MAPK8IP1: variants seen among roughly 807,000 people sequenced by gnomAD.
MAPK8IP1 encodes the protein C-Jun-amino-terminal kinase-interacting protein 1.
A neutral mutation model predicts 72.6 loss-of-function variants in MAPK8IP1; 17 were observed. The ratio of observed to expected loss-of-function variants is 0.23; its 90% CI spans 0.16 to 0.35. The LOEUF (loss-of-function observed/expected upper bound fraction) is 0.35. MAPK8IP1 is among the 10% of genes least tolerant of loss of function. MAPK8IP1 has a pLI of 1.00. For synonymous variants in MAPK8IP1, 401 were observed against 443.4 expected (o/e 0.90, Z 1.20); for missense variants, 789 against 1,009.7 (o/e 0.78, Z 2.96).
rs149199647 is a variant in MAPK8IP1, at chr11:45,903,842, C to T, written c.1494-147C>T. ...GCATGTCTGCTTGACCTTGCTCTCCCCTGGGGTTAGTACTGCAACAGGCAC... is the reference window on the plus strand; with the variant it reads ...GCATGTCTGCTTGACCTTGCTCTCCTCTGGGGTTAGTACTGCAACAGGCAC... On this transcript the variant is annotated intron_variant, in intron 6 of 11. Transcript: ENST00000241014. The surrounding 1 kb of genome is among the most constrained non-coding windows in gnomAD (Gnocchi z 6.4). The T allele has an allele frequency of 2.5e-4, 194 of 783,404 alleles. No individual in the cohort carries two copies. The highest frequency in any genetic ancestry group is 4.1e-4 in the Non-Finnish European group (183 of 449,840). The allele number at this position is 783,404 out of a possible 1,614,324, so 48.5% of individuals were successfully genotyped here.
At chr11:45,892,117 C>T (rs970975147) in intron 1 of MAPK8IP1, among the ~76,000 whole-genome samples, 2 of 152,108 alleles carry the variant, frequency 1.3e-5, no homozygotes, top group African/African-American at 4.8e-5. Flanking sequence ...TGGAGGTGGT[C>T]AGGAAGGGAA....
intron 1 of MAPK8IP1, among the ~76,000 whole-genome samples, chr11:45,892,180 T>G (rs1450671200): frequency 6.6e-6 from 1 of 152,086 alleles, no homozygotes; most frequent in Admixed American, 6.5e-5. Context: ...CAGAGCCAGG[T>G]GGTGGGGGTA....
chr11:45,892,189 T>G (rs530481137), intron 1 of MAPK8IP1, among the ~76,000 whole-genome samples: 6 of 151,770 alleles, frequency 4.0e-5, no homozygotes, highest in Non-Finnish European at 8.8e-5. Flanking sequence ...GTGGTGGGGG[T>G]AGAGCGAGGG....
rs1328777356 is a variant in MAPK8IP1, at chr11:45,900,475, G to C, written c.522+23G>C. 3.3e-6 allele frequency: 5 copies of C among 1,530,156 alleles called. No individual in the cohort carries two copies. Among genetic ancestry groups the C allele is most frequent in the Non-Finnish European group, 4.4e-6 (5 of 1,144,536 alleles). 94.8% of individuals were successfully genotyped at this position (1,530,156 alleles called of 1,614,324 possible). A position where few individuals can be genotyped will look rare whatever the true frequency, so the allele number is the denominator to read the frequency against. On this transcript the variant is annotated intron_variant, in intron 3 of 11. Transcript: ENST00000241014. The surrounding 1 kb of genome is among the most constrained non-coding windows in gnomAD (Gnocchi z 6.5). ...CAGGTGAGGCGCCAACGTGGGGGGCGGCGCCCTGGGCCGCCGCGGAGATGT... is the reference window on the plus strand; with the variant it reads ...CAGGTGAGGCGCCAACGTGGGGGGCCGCGCCCTGGGCCGCCGCGGAGATGT...
intron 1 of MAPK8IP1, among the ~76,000 whole-genome samples, chr11:45,887,592 C>T (rs2086537322): frequency 6.6e-6 from 1 of 152,256 alleles, no homozygotes; most frequent in Middle Eastern, 3.2e-3. Flanking sequence ...AGCCCTGCCT[C>T]TGGCCCAGTG....
At chr11:45,886,077 G>T (rs2086525052) in intron 1 of MAPK8IP1, among the ~76,000 whole-genome samples, 156 bp downstream of exon 1, 1 of 152,176 alleles carries the variant, frequency 6.6e-6, no homozygotes, top group South Asian at 2.1e-4. Flanking sequence ...CCCCTCAGAA[G>T]CCCCGCCAGC....
In MAPK8IP1 at chr11:45,885,797, G is replaced by C; in HGVS notation, c.-24G>C. On this transcript the variant is annotated 5_prime_UTR_variant, in exon 1 of 12. Transcript: ENST00000241014. ...GCCTCCTCCGCGCCGCGCTCCGCCC[G>C]GATGGCCAGGGCTGTGCCCGAGAAT... The C allele has an allele frequency of 2.3e-6, 3 of 1,310,782 alleles. No individual in the cohort carries two copies. Among genetic ancestry groups the C allele is most frequent in the Non-Finnish European group, 2.9e-6 (3 of 1,021,612 alleles). 81.2% of individuals were successfully genotyped at this position (1,310,782 alleles called of 1,614,324 possible). A position where few individuals can be genotyped will look rare whatever the true frequency, so the allele number is the denominator to read the frequency against.
chr11:45,900,246 G>T lies in MAPK8IP1; in HGVS notation c.316G>T (p.Ala106Ser). The T allele has an allele frequency of 7.5e-7, 1 of 1,333,832 alleles. No individual in the cohort carries two copies. 82.6% of individuals were successfully genotyped at this position (1,333,832 alleles called of 1,614,324 possible). ...CGACGCGACGGGGGACACTCCCGGGGCCGAGGACGACGAGGAGGACGACGA... is the reference window on the plus strand; with the variant it reads ...CGACGCGACGGGGGACACTCCCGGGTCCGAGGACGACGAGGAGGACGACGA... Reference protein sequence around the residue: ...LIDATGDTPGAEDDEEDDDEE... With the variant: ...LIDATGDTPGSEDDEEDDDEE... Residue 106 changes from alanine to serine, a missense_variant, in exon 3 of 12, where the codon GCC (alanine) becomes TCC (serine). Transcript: ENST00000241014. This position sits in a 1 kb window ranked among gnomAD's most constrained non-coding sequence, Gnocchi z 6.5.
In MAPK8IP1 at chr11:45,906,191, C is replaced by T; in HGVS notation, c.*470C>T. ...AGCCCTGAGCTCAGGCTGAGCCCAG[C>T]CACCTCCCAAGGACTTTCCAGTGAG... is the stretch of plus-strand genomic sequence containing the variant. On this transcript the variant is annotated 3_prime_UTR_variant, in exon 12 of 12. Transcript: ENST00000241014. 1 of 305,044 alleles carries T rather than the reference C, an allele frequency of 3.3e-6. No individual in the cohort carries two copies. The highest frequency in any genetic ancestry group is 6.0e-5 in the South Asian group (1 of 16,694). 18.9% of individuals were successfully genotyped at this position (305,044 alleles called of 1,614,324 possible). A position where few individuals can be genotyped will look rare whatever the true frequency, so the allele number is the denominator to read the frequency against.
At position 45,900,055 on chromosome 11, in the gene MAPK8IP1, G is replaced by A; in HGVS notation, c.208-83G>A. Reference sequence around the variant, plus strand: ...CGTGCCCCCTTCGCGCCACAGAATGGACTCGCCCGGGCGGGGGGCGGTGCA... The same window carrying A: ...CGTGCCCCCTTCGCGCCACAGAATGAACTCGCCCGGGCGGGGGGCGGTGCA... On this transcript the variant is annotated intron_variant, in intron 2 of 11. Coordinates refer to ENST00000241014, the MANE Select transcript of MAPK8IP1 (RefSeq NM_005456.4). The surrounding 1 kb of genome is among the most constrained non-coding windows in gnomAD (Gnocchi z 6.5). 1.1e-6 allele frequency: 1 copy of A among 903,516 alleles called. No homozygotes were observed. 56.0% of individuals were successfully genotyped at this position (903,516 alleles called of 1,614,324 possible).
chr11:45,896,645 G>A (rs967907259), intron 1 of MAPK8IP1: 1 of 1,394,338 alleles, frequency 7.2e-7, no homozygotes, highest in Non-Finnish European at 9.3e-7. Context: ...GCTGAGGGCT[G>A]CGCTGGGAAG....
Position 45,902,654 on chromosome 11 carries a change from C to T in MAPK8IP1, c.887C>T (p.Thr296Ile). ...VQRPPDAAEP[T>I]SAFLPPTESR... is the part of the protein sequence containing the mutation. ...AGGCCCCCAGACGCTGCAGAGCCCA[C>T]CTCCGCCTTCCTGCCGCCCACTGAG... Residue 296 changes from threonine (T) to isoleucine (I), a missense_variant, in exon 5 of 12, where the codon ACC becomes ATC. Around this residue, in one of 4 missense-constraint regions of MAPK8IP1, gnomAD observed 377 missense variants for 411.7 expected, o/e 0.92. Coordinates refer to ENST00000241014, the MANE Select transcript of MAPK8IP1 (RefSeq NM_005456.4). The surrounding 1 kb of genome is among the most constrained non-coding windows in gnomAD (Gnocchi z 9.3). 6.2e-7 allele frequency: 1 copy of T among 1,612,746 alleles called. No individual in the cohort carries two copies. Among genetic ancestry groups the T allele is most frequent in the Non-Finnish European group, 8.5e-7 (1 of 1,179,942 alleles).
At position 45,902,537 on chromosome 11, in the gene MAPK8IP1, G is replaced by C; in HGVS notation, c.770G>C (p.Gly257Ala). Residue 257 changes from glycine (G) to alanine (A), a missense_variant, in exon 5 of 12, where the codon GGG (glycine) becomes GCG (alanine). Gly to Ala is a moderately conservative substitution (Grantham distance 60, BLOSUM62 0). Around this residue, in one of 4 missense-constraint regions of MAPK8IP1, gnomAD observed 377 missense variants for 411.7 expected, o/e 0.92. Coordinates refer to ENST00000241014, the MANE Select transcript of MAPK8IP1 (RefSeq NM_005456.4). This position sits in a 1 kb window ranked among gnomAD's most constrained non-coding sequence, Gnocchi z 9.3. ...GGTGGTCCCCCTGCTGCCCCGCCTGGGGGTCGGGGCCACTCGCATCGAGAC... is the reference window on the plus strand; with the variant it reads ...GGTGGTCCCCCTGCTGCCCCGCCTGCGGGTCGGGGCCACTCGCATCGAGAC... ...PPGGPPAAPP[G>A]GRGHSHRDRI... 6.2e-7 allele frequency: 1 copy of C among 1,612,014 alleles called. No individual in the cohort carries two copies. The highest frequency in any genetic ancestry group is 8.5e-7 in the Non-Finnish European group (1 of 1,179,598).
chr11:45,888,761 A>G (rs2086545930), intron 1 of MAPK8IP1, among the ~76,000 whole-genome samples: 1 of 151,954 alleles, frequency 6.6e-6, no homozygotes, highest in Non-Finnish European at 1.5e-5. Flanking sequence ...GTGCAGTGGC[A>G]TGATCTAAGC....
chr11:45,904,360 C>A lies in MAPK8IP1; in HGVS notation c.1667-95C>A. 1 of 1,212,682 alleles carries A rather than the reference C, an allele frequency of 8.2e-7. No individual in the cohort carries two copies. The allele number at this position is 1,212,682 out of a possible 1,614,324, so 75.1% of individuals were successfully genotyped here. A position where few individuals can be genotyped will look rare whatever the true frequency, so the allele number is the denominator to read the frequency against. On this transcript the variant is annotated intron_variant, in intron 7 of 11. Transcript: ENST00000241014. This position sits in a 1 kb window ranked among gnomAD's most constrained non-coding sequence, Gnocchi z 6.4. ...GGGATTGTGGCAGCCTCTGTGGGCTCTGCCATTCCCCGTGCCTCACCCACC... is the reference window on the plus strand; with the variant it reads ...GGGATTGTGGCAGCCTCTGTGGGCTATGCCATTCCCCGTGCCTCACCCACC...
In MAPK8IP1 at chr11:45,902,742, G is replaced by A. The variant is rs759905247; in HGVS notation, c.975G>A (p.Pro325=). The change falls in exon 5 of 12, where the codon CCG becomes CCA. Residue 325 remains proline (P), a synonymous_variant. Coordinates refer to ENST00000241014, the MANE Select transcript of MAPK8IP1 (RefSeq NM_005456.4). This position sits in a 1 kb window ranked among gnomAD's most constrained non-coding sequence, Gnocchi z 9.3. ...PAAYPSTAGR[P]HPSISEEEEG... The stretch of plus-strand genomic sequence containing the variant: ...CCTACCCCTCCACGGCAGGGCGGCC[G>A]CACCCCTCCATCAGTGAAGAGGAAG... 2.1e-5 allele frequency: 34 copies of A among 1,604,256 alleles called. No individual in the cohort carries two copies. The East Asian group carries it at 3.6e-4, about 17-fold the overall frequency.
In MAPK8IP1 at chr11:45,903,034, T is replaced by C; in HGVS notation, c.1267T>C (p.Tyr423His). Residue 423 changes from tyrosine (Y) to histidine (H), a missense_variant, in exon 5 of 12, where the codon TAT (tyrosine) becomes CAT (histidine). Physicochemically the swap from Tyr to His is moderately conservative, Grantham distance 83 (BLOSUM62 2). Around this residue, in one of 4 missense-constraint regions of MAPK8IP1, gnomAD observed 377 missense variants for 411.7 expected, o/e 0.92. Coordinates refer to ENST00000241014, the MANE Select transcript of MAPK8IP1 (RefSeq NM_005456.4). This position sits in a 1 kb window ranked among gnomAD's most constrained non-coding sequence, Gnocchi z 6.4. ...YDNCASVSSP[Y>H]ESAIGEEYEE... ...CAACTGTGCCTCCGTCTCCTCGCCC[T>C]ATGAGTCGGCCATCGGAGAGGAATA... is the stretch of plus-strand genomic sequence containing the variant. The C allele has an allele frequency of 1.2e-6, 2 of 1,611,690 alleles. No homozygotes were observed. Among genetic ancestry groups the C allele is most frequent in the Non-Finnish European group, 1.7e-6 (2 of 1,179,876 alleles).
intron 11 of MAPK8IP1, 55 bp downstream of exon 11, chr11:45,905,304 C>A: frequency 6.7e-7 from 1 of 1,496,860 alleles, no homozygotes; most frequent in Non-Finnish European, 9.3e-7. Context: ...CAATCCCAGG[C>A]CCTGGGGCTG....
rs920555263 is a variant in MAPK8IP1 at position 45,900,804 on chromosome 11, A to G, written c.522+352A>G. Among the ~76,000 whole-genome samples the G allele has an allele frequency of 1.3e-5, 2 of 152,106 alleles. No homozygotes were observed. The highest frequency in any genetic ancestry group is 2.9e-5 in the Non-Finnish European group (2 of 68,022). On this transcript the variant is annotated intron_variant, in intron 3 of 11. Coordinates refer to ENST00000241014, the MANE Select transcript of MAPK8IP1 (RefSeq NM_005456.4). The surrounding 1 kb of genome is among the most constrained non-coding windows in gnomAD (Gnocchi z 6.5). ...TGTGACAGGGTTTCTCCTTTAGGAT[A>G]TGGGGCTCCTGGTGAAAGTGGAGCA... is the stretch of plus-strand genomic sequence containing the variant.
Sources: allele counts gnomAD v4.1 joint callset (sites outside exome capture counted in the v4.1 genomes callset), GRCh38; gene constraint gnomAD v4.1.1; regional missense constraint gnomAD v4.1.1; non-coding constraint Gnocchi (gnomAD v3.1); transcripts MANE v1.5; gene names NCBI Gene and HGNC (gene_info 2026-07-23, HGNC 2026-07-21).